The following CUBN variants were observed in gnomAD, a reference collection of about 807,000 sequenced individuals.
CUBN encodes cubilin, also known as 460 kDa receptor.
Under a neutral mutation model 405.3 loss-of-function variants are expected in CUBN, and 282 were observed. That is an observed-to-expected ratio of 0.70 (90% CI 0.63 to 0.77). The LOEUF (loss-of-function observed/expected upper bound fraction) is 0.77. Ranked by LOEUF, CUBN falls within the 30% of genes least tolerant of loss-of-function variation. The probability of loss-of-function intolerance (pLI) is 0.00; values close to 1 mark genes in which losing one functional copy is unlikely to be tolerated. For missense variants in CUBN, 4,514 were observed against 4,475.2 expected (o/e 1.01, Z -0.25); for synonymous variants, 1,684 against 1,617.0 (o/e 1.04, Z -0.99).
At chr10:16,933,879 G>T (rs905401754) in intron 39 of CUBN, among the ~76,000 whole-genome samples, 1 of 152,100 alleles carries the variant, frequency 6.6e-6, no homozygotes, top group Non-Finnish European at 1.5e-5. Flanking sequence ...TGCCTTGCAC[G>T]GTTGTGATGT....
At chr10:17,105,291 T>C (rs1450449483) in intron 11 of CUBN, among the ~76,000 whole-genome samples, 166 bp downstream of exon 11, 1 of 152,218 alleles carries the variant, frequency 6.6e-6, no homozygotes, top group Non-Finnish European at 1.5e-5. Context: ...TGTTTTTTCC[T>C]AAGAACTAAA....
chr10:17,043,791 A>G (rs147423498), intron 26 of CUBN, 36 bp downstream of exon 26: 10 of 1,583,498 alleles, frequency 6.3e-6, no homozygotes, highest in South Asian at 2.3e-5. Context: ...TTACTCTGCC[A>G]GTATACACAC....
chr10:17,119,151 A>G (rs187265121), intron 6 of CUBN, among the ~76,000 whole-genome samples: 1 of 152,392 alleles, frequency 6.6e-6, no homozygotes, highest in East Asian at 1.9e-4. Flanking sequence ...AAACTAGATT[A>G]TCCTCATTGT....
At chr10:16,938,122 C>T (rs571753796) in intron 38 of CUBN, among the ~76,000 whole-genome samples, 1 of 152,000 alleles carries the variant, frequency 6.6e-6, no homozygotes, top group East Asian at 1.9e-4. Flanking sequence ...AATAAATGTG[C>T]TTTGGGGCTT....
chr10:16,978,478 T>C (rs2131686756), intron 31 of CUBN, among the ~76,000 whole-genome samples: 1 of 152,366 alleles, frequency 6.6e-6, no homozygotes, highest in East Asian at 1.9e-4. Flanking sequence ...CTCTGAAGAC[T>C]CATTTGGATG....
At chr10:17,034,502 A>T (rs1171894314) in intron 27 of CUBN, among the ~76,000 whole-genome samples, 1 of 152,186 alleles carries the variant, frequency 6.6e-6, no homozygotes, top group Non-Finnish European at 1.5e-5. Flanking sequence ...AAAACAGGCT[A>T]TCTTGGTGGA....
chr10:16,979,766 C>G (rs961896955), intron 31 of CUBN, among the ~76,000 whole-genome samples: 1 of 152,164 alleles, frequency 6.6e-6, no homozygotes, highest in Non-Finnish European at 1.5e-5. Context: ...CAATACCATT[C>G]AGGACATAGG....
intron 22 of CUBN, among the ~76,000 whole-genome samples, chr10:17,054,200 G>A (rs1256434015): frequency 2.0e-5 from 3 of 151,604 alleles, no homozygotes; most frequent in Non-Finnish European, 2.9e-5. Context: ...GCATGGTGGC[G>A]AGCGCCTGTA....
chr10:16,915,449 G>A (rs528767359), intron 46 of CUBN, among the ~76,000 whole-genome samples: 1 of 152,302 alleles, frequency 6.6e-6, no homozygotes, highest in South Asian at 2.1e-4. Flanking sequence ...TGAGACAACA[G>A]TGACAAGTAT....
At chr10:16,954,181 C>G (rs956911411) in intron 32 of CUBN, among the ~76,000 whole-genome samples, 1 of 152,114 alleles carries the variant, frequency 6.6e-6, no homozygotes, top group African/African-American at 2.4e-5. Flanking sequence ...GTTAGAGATG[C>G]GGGTCCAAAG....
Position 16,836,379 on chromosome 10 carries a change from G to A in CUBN, c.10036C>T (p.His3346Tyr), listed in dbSNP as rs1446272596. ...CAGAACTGAAATCTTGAATTTCCGT[G>A]ACCCTGAAATGAAATGGGAGCCAAA... The part of the protein sequence containing the change: ...YLQLQDSPQG[H>Y]GNSRFQFCGR... Residue 3346 changes from histidine to tyrosine, a missense_variant, in exon 63 of 67, where the codon CAC (histidine) becomes TAC (tyrosine). His to Tyr is a moderately conservative substitution (Grantham distance 83). Coordinates refer to ENST00000377833, the MANE Select transcript of CUBN (RefSeq NM_001081.4). 6.2e-7 allele frequency: 1 copy of A among 1,613,940 alleles called. No homozygotes were observed. The highest frequency in any genetic ancestry group is 1.7e-5 in the Admixed American group (1 of 60,030).
At chr10:16,924,124 T>C (rs999455622) in intron 43 of CUBN, among the ~76,000 whole-genome samples, 1 of 152,028 alleles carries the variant, frequency 6.6e-6, no homozygotes, top group Non-Finnish European at 1.5e-5. Context: ...AGTAGAGTTA[T>C]GTAGGATGGG....
At chr10:17,024,757 C>T (rs561633978) in intron 27 of CUBN, among the ~76,000 whole-genome samples, 12 of 152,198 alleles carry the variant, frequency 7.9e-5, no homozygotes, top group African/African-American at 2.2e-4. Context: ...CTGCCCACCT[C>T]GGCTTCCCAA....
In CUBN at chr10:16,982,579, T is replaced by C. The variant is rs769359277; in HGVS notation, c.4600A>G (p.Thr1534Ala). 1.2e-6 allele frequency: 2 copies of C among 1,613,800 alleles called. No individual in the cohort carries two copies. The highest frequency in any genetic ancestry group is 2.2e-5 in the South Asian group (2 of 91,072). ...ACCCGAATGACCCAAGAACAGTCTGTGTTGCTCCTATAAGGACTGGGGTAA... is the reference window on the plus strand; with the variant it reads ...ACCCGAATGACCCAAGAACAGTCTGCGTTGCTCCTATAAGGACTGGGGTAA... ...PNYPSPYRSN[T>A]DCSWVIRVDR... The change falls in exon 31 of 67, where the codon ACA (threonine) becomes GCA (alanine). Residue 1534 changes from threonine to alanine, a missense_variant. Thr to Ala is a moderately conservative substitution (Grantham distance 58). This residue lies in a region of CUBN where 1,613 missense variants were observed against 1,542.8 expected (regional missense o/e 1.05). Coordinates refer to ENST00000377833, the MANE Select transcript of CUBN (RefSeq NM_001081.4).
intron 27 of CUBN, among the ~76,000 whole-genome samples, chr10:17,028,195 C>T (rs1834712106): frequency 6.6e-6 from 1 of 150,702 alleles, no homozygotes; most frequent in African/African-American, 2.4e-5. Flanking sequence ...TTCCCTCTGC[C>T]AATTATCCTG....
rs1261732482 is a variant in CUBN, at chr10:16,824,748, G to C, written c.*227C>G. 4 of 481,224 alleles carry C rather than the reference G, an allele frequency of 8.3e-6. No homozygotes were observed. Among genetic ancestry groups the C allele is most frequent in the Non-Finnish European group, 1.6e-5 (4 of 252,706 alleles). The allele number at this position is 481,224 out of a possible 1,614,324, so 29.8% of individuals were successfully genotyped here. On this transcript the variant is annotated 3_prime_UTR_variant, in exon 67 of 67. Transcript: ENST00000377833. ...CTGGCCAGGCTAGTCTCAAACTCCT[G>C]ACCTCAGGTGATCAACCTGCCTCGG...
intron 6 of CUBN, among the ~76,000 whole-genome samples, chr10:17,119,889 C>G (rs575381984): frequency 6.6e-6 from 1 of 152,286 alleles, no homozygotes; most frequent in African/African-American, 2.4e-5. Flanking sequence ...ACCTATGAAA[C>G]AGGTATGAAA....
rs1487998493 is a variant in CUBN, at chr10:17,046,026, A to C, written c.3398T>G (p.Ile1133Ser). 2 of 1,613,788 alleles carry C rather than the reference A, an allele frequency of 1.2e-6. No individual in the cohort carries two copies. The highest frequency in any genetic ancestry group is 2.2e-5 in the South Asian group (2 of 91,076). Residue 1133 changes from isoleucine (I) to serine (S), a missense_variant, in exon 24 of 67, where the codon ATC (isoleucine) becomes AGC (serine). Around this residue, in one of 5 missense-constraint regions of CUBN, gnomAD observed 1,448 missense variants for 1,388.0 expected, o/e 1.04. Coordinates refer to ENST00000377833, the MANE Select transcript of CUBN (RefSeq NM_001081.4). ...TAACCATAGTTTGTTACTATGAGAGATGATTGTTGGGGGTAGATTTGAGCC... is the reference window on the plus strand; with the variant it reads ...TAACCATAGTTTGTTACTATGAGAGCTGATTGTTGGGGGTAGATTTGAGCC... Reference protein sequence around the residue: ...FYGSNLPPTIISHSNKLWLKF... With the variant: ...FYGSNLPPTISSHSNKLWLKF...
chr10:17,092,975 T>A (rs935613637), intron 14 of CUBN, among the ~76,000 whole-genome samples: 9 of 152,220 alleles, frequency 5.9e-5, no homozygotes, highest in Non-Finnish European at 1.2e-4. Flanking sequence ...TTAGTTTTTA[T>A]CATTTTCAGG....
Sources: allele counts gnomAD v4.1 joint callset (sites outside exome capture counted in the v4.1 genomes callset), GRCh38; gene constraint gnomAD v4.1.1; regional missense constraint gnomAD v4.1.1; transcripts MANE v1.5; gene names NCBI Gene and HGNC (gene_info 2026-07-23, HGNC 2026-07-21).